The following CCDC62 variants were observed in gnomAD, a reference collection of about 807,000 sequenced individuals.
CCDC62 encodes the protein coiled-coil domain-containing protein 62.
A neutral mutation model predicts 80.8 loss-of-function variants in CCDC62; 72 were observed. The ratio of observed to expected loss-of-function variants is 0.89; its 90% CI spans 0.74 to 1.08. CCDC62 has a LOEUF of 1.08. Among genes scored for constraint, CCDC62 ranks in the 50% least tolerant of loss-of-function variants. CCDC62 has a pLI of 0.00. For missense variants in CCDC62, 704 were observed against 809.4 expected, an observed-to-expected ratio of 0.87 and a Z score of 1.58; for synonymous variants, 286 against 296.5, an observed-to-expected ratio of 0.96 and a Z score of 0.36.
intron 11 of CCDC62, among the ~76,000 whole-genome samples, chr12:122,818,742 G>A (rs574956215): frequency 1.6e-4 from 24 of 152,208 alleles, no homozygotes; most frequent in Middle Eastern, 3.4e-3. Flanking sequence ...GGGCAAGATA[G>A]TGAGACCCCA....
In CCDC62 at chr12:122,826,762, A is replaced by G. The variant is rs866937110; in HGVS notation, c.*381A>G. 2.3e-5 allele frequency: 6 copies of G among 263,628 alleles called. No individual in the cohort carries two copies. The highest frequency in any genetic ancestry group is 3.5e-5 in the Non-Finnish European group (5 of 141,680). 16.3% of individuals were successfully genotyped at this position (263,628 alleles called of 1,614,324 possible). ...ATGTCAAATAGAGAAAGAACCCTGC[A>G]TAGAAAGTGCTGTTTTAACTATCTG... On this transcript the variant is annotated 3_prime_UTR_variant, in exon 13 of 13. Coordinates refer to ENST00000253079, the MANE Select transcript of CCDC62 (RefSeq NM_201435.5).
intron 11 of CCDC62, among the ~76,000 whole-genome samples, chr12:122,820,334 T>C (rs2032350060): frequency 6.6e-6 from 1 of 152,204 alleles, no homozygotes; most frequent in South Asian, 2.1e-4. Context: ...CATTGCCTCA[T>C]GGCGGGCTTC....
rs199891405 is a variant in CCDC62, at chr12:122,801,817, A to C, written c.1671A>C (p.Glu557Asp). Residue 557 changes from glutamate to aspartate, a missense_variant, in exon 9 of 13, where the codon GAA becomes GAC. Transcript: ENST00000253079. Reference protein sequence around the residue: ...VRLKSGCTCSESICGTQHDSP... With the variant: ...VRLKSGCTCSDSICGTQHDSP... ...TCAAATCTGGGTGCACCTGTTCAGA[A>C]AGCATCTGTGGCACACAACATGACT... 2.5e-6 allele frequency: 4 copies of C among 1,614,140 alleles called. No individual in the cohort carries two copies. In the East Asian group the frequency reaches 8.9e-5, roughly 36 times the overall value.
At position 122,819,179 on chromosome 12, in the gene CCDC62, A is replaced by G. The variant is rs1376811383; in HGVS notation, c.2002-4187A>G. 2.6e-5 allele frequency among the ~76,000 whole-genome samples: 4 copies of G among 152,310 alleles called. 1 individual carries two copies. The South Asian group carries it at 6.2e-4, about 24-fold the overall frequency. On this transcript the variant is annotated intron_variant, in intron 11 of 12. Transcript: ENST00000253079. The stretch of plus-strand genomic sequence containing the variant: ...GGATTTACCTGGCAACACGCTTTAC[A>G]AACTCCTCCCCCCATGCCTTTGTAC...
At chr12:122,795,131 A>C (rs927856223) in intron 6 of CCDC62, among the ~76,000 whole-genome samples, 1 of 151,510 alleles carries the variant, frequency 6.6e-6, no homozygotes, top group Non-Finnish European at 1.5e-5. Flanking sequence ...TCTCACTTCA[A>C]CTTCCGCCTC....
intron 8 of CCDC62, 27 bp downstream of exon 8, chr12:122,798,227 T>C (rs1489773195): frequency 9.4e-7 from 1 of 1,060,136 alleles, no homozygotes; most frequent in South Asian, 1.3e-5. Context: ...GCAATTAATA[T>C]GATCTTGTAT....
At chr12:122,811,075 T>C (rs1352815334) in intron 10 of CCDC62, among the ~76,000 whole-genome samples, 4 of 151,742 alleles carry the variant, frequency 2.6e-5, no homozygotes, top group African/African-American at 9.7e-5. Context: ...ATGTAAATGA[T>C]GAGTTAATGG....
intron 10 of CCDC62, among the ~76,000 whole-genome samples, chr12:122,806,937 G>A (rs2031638550): frequency 6.6e-6 from 1 of 151,672 alleles, no homozygotes; most frequent in African/African-American, 2.4e-5. Context: ...GGTCTCAGCT[G>A]CCCCTTCCTC....
chr12:122,781,239 A>C lies in CCDC62; in HGVS notation c.305A>C (p.Glu102Ala). Reference sequence around the variant, plus strand: ...AAAGCTCTTGAATCCAATCAAATGGAATGCCAAACAGCTCTCCAAAAGACC... The same window carrying C: ...AAAGCTCTTGAATCCAATCAAATGGCATGCCAAACAGCTCTCCAAAAGACC... The part of the protein sequence containing the change: ...KVKALESNQM[E>A]CQTALQKTQL... Residue 102 changes from glutamate to alanine, a missense_variant, in exon 3 of 13, where the codon GAA becomes GCA. Physicochemically the swap from Glu to Ala is moderately radical, Grantham distance 107. Transcript: ENST00000253079. The C allele has an allele frequency of 6.2e-7, 1 of 1,614,044 alleles. No homozygotes were observed. The highest frequency in any genetic ancestry group is 1.1e-5 in the South Asian group (1 of 91,084).
In CCDC62 at chr12:122,777,547, G is replaced by A. The variant is rs1457479363; in HGVS notation, c.93G>A (p.Gln31=). The change falls in exon 2 of 13, where the codon CAG becomes CAA. Residue 31 remains glutamine, a synonymous_variant. Coordinates refer to ENST00000253079, the MANE Select transcript of CCDC62 (RefSeq NM_201435.5). ...STIEKQRKEL[Q]LLIGELKDRD... The stretch of plus-strand genomic sequence containing the variant: ...TCGAGAAACAACGGAAGGAGCTGCA[G>A]TTGCTCATTGGAGAATTAAAAGATC... The A allele has an allele frequency of 6.2e-7, 1 of 1,614,176 alleles. No homozygotes were observed. Among genetic ancestry groups the A allele is most frequent in the Non-Finnish European group, 8.5e-7 (1 of 1,180,006 alleles).
chr12:122,802,499 C>T (rs1301922656), intron 9 of CCDC62, among the ~76,000 whole-genome samples: 1 of 151,022 alleles, frequency 6.6e-6, no homozygotes, highest in African/African-American at 2.4e-5. Flanking sequence ...CTGAAACCTC[C>T]GCCTCCTGGG....
At chr12:122,782,467 G>GT (rs1459691333) in intron 3 of CCDC62, among the ~76,000 whole-genome samples, 3 of 151,868 alleles carry the variant, frequency 2.0e-5, no homozygotes, top group East Asian at 3.9e-4. Flanking sequence ...ATTATTGTGT[G>GT]TTTTTTTTGA....
Position 122,774,688 on chromosome 12 carries a change from C to T in CCDC62, c.18C>T (p.Ala6=), listed in dbSNP as rs779654805. ...AAACACCTATGAACCCTCCGGCAGC[C>T]TTCCTTGCCGGGCGCCAGGTAAGCA... MNPPA[A]FLAGRQNIGS... The change falls in exon 1 of 13, where the codon GCC becomes GCT. Residue 6 remains alanine (A), a synonymous_variant. Coordinates refer to ENST00000253079, the MANE Select transcript of CCDC62 (RefSeq NM_201435.5). 6.4e-6 allele frequency: 8 copies of T among 1,256,758 alleles called. 1 individual carries two copies. In the South Asian group the frequency reaches 3.0e-4, roughly 47 times the overall value. The allele number at this position is 1,256,758 out of a possible 1,614,324, so 77.9% of individuals were successfully genotyped here.
chr12:122,774,839 C>T, intron 1 of CCDC62, 133 bp downstream of exon 1: 2 of 595,002 alleles, frequency 3.4e-6, no homozygotes, highest in East Asian at 7.9e-5. Flanking sequence ...CCTGTAATCC[C>T]AGCGCTTTGG....
At chr12:122,786,078 G>C (rs762362626) in intron 4 of CCDC62, among the ~76,000 whole-genome samples, 2 of 152,172 alleles carry the variant, frequency 1.3e-5, no homozygotes, top group Non-Finnish European at 2.9e-5. Flanking sequence ...GAATTAACTT[G>C]TTTTCTCCCC....
At chr12:122,805,888 C>CGT (rs940414987) in intron 9 of CCDC62, among the ~76,000 whole-genome samples, 6 of 152,030 alleles carry the variant, frequency 3.9e-5, no homozygotes, top group African/African-American at 1.4e-4. Flanking sequence ...CTCCTGACCT[C>CGT]GTGATCCACC....
At chr12:122,807,295 G>A (rs1225198992) in intron 10 of CCDC62, among the ~76,000 whole-genome samples, 1 of 152,110 alleles carries the variant, frequency 6.6e-6, no homozygotes, top group African/African-American at 2.4e-5. Context: ...ACTTTGGAAG[G>A]CCGGGGTGGG....
At chr12:122,808,701 A>T (rs1418505069) in intron 10 of CCDC62, among the ~76,000 whole-genome samples, 1 of 151,936 alleles carries the variant, frequency 6.6e-6, no homozygotes, top group African/African-American at 2.4e-5. Context: ...TCATTTTTAC[A>T]TTTGTTGTGG....
chr12:122,826,324 G>A (rs539762608), intron 12 of CCDC62, 98 bp from the exon 13 acceptor site: 8 of 638,024 alleles, frequency 1.3e-5, no homozygotes, highest in Non-Finnish European at 8.8e-6. Context: ...AAATCAGGAT[G>A]TAGAGTTAAT....
Sources: allele counts gnomAD v4.1 joint callset (sites outside exome capture counted in the v4.1 genomes callset), GRCh38; gene constraint gnomAD v4.1.1; transcripts MANE v1.5; gene names NCBI Gene and HGNC (gene_info 2026-07-23, HGNC 2026-07-21).